EHMT1: variants seen among roughly 807,000 people sequenced by gnomAD.
EHMT1 encodes the protein euchromatic histone lysine methyltransferase 1, also known as histone-lysine N-methyltransferase EHMT1.
A neutral mutation model predicts 147.2 loss-of-function variants in EHMT1; 15 were observed. The observed-to-expected ratio is 0.10, with a 90% CI of 0.07 to 0.16. EHMT1 has a LOEUF of 0.16. Among genes scored for constraint, EHMT1 ranks in the 10% least tolerant of loss-of-function variants. EHMT1 has a pLI of 1.00. For synonymous variants in EHMT1, 795 were observed against 709.6 expected (o/e 1.12, Z -1.91); for missense variants, 1,587 against 1,772.4 (o/e 0.90, Z 1.88).
rs1955002974 is a variant in EHMT1, at chr9:137,817,371, T to C, written c.3375-68T>C. 5 of 1,590,092 alleles carry C rather than the reference T, an allele frequency of 3.1e-6. No individual in the cohort carries two copies. In the East Asian group the frequency reaches 1.1e-4, roughly 36 times the overall value. On this transcript the variant is annotated intron_variant, in intron 23 of 26. Coordinates refer to ENST00000460843, the MANE Select transcript of EHMT1 (RefSeq NM_024757.5). ...TTTCAGTGACGTGGCACCAGCTGGCTTTTGCTGACCATTGTGGCAACAGGC... is the reference window on the plus strand; with the variant it reads ...TTTCAGTGACGTGGCACCAGCTGGCCTTTGCTGACCATTGTGGCAACAGGC...
chr9:137,825,269 GGCT>G (rs758074020), intron 25 of EHMT1, among the ~76,000 whole-genome samples: 1 of 152,184 alleles, frequency 6.6e-6, no homozygotes, highest in Non-Finnish European at 1.5e-5. Context: ...AGACTCTTGG[GGCT>G]GCCTTAGAAT....
chr9:137,821,714 T>C (rs1322201229), intron 25 of EHMT1, among the ~76,000 whole-genome samples: 1 of 152,170 alleles, frequency 6.6e-6, no homozygotes, highest in Non-Finnish European at 1.5e-5. Context: ...GAAGCTCCTG[T>C]AGGGATTTGA....
At chr9:137,619,509 TC>T (rs2133383767) in intron 1 of EHMT1, among the ~76,000 whole-genome samples, 1 of 152,192 alleles carries the variant, frequency 6.6e-6, no homozygotes, top group African/African-American at 2.4e-5. Context: ...TCGGAGCTCT[TC>T]CTTCGCTTCG....
chr9:137,710,564 CTTGAT>C (rs1163886045), intron 1 of EHMT1, among the ~76,000 whole-genome samples: 3 of 102,932 alleles, frequency 2.9e-5, no homozygotes, highest in Non-Finnish European at 4.0e-5. Flanking sequence ...ATTGAATTTT[CTTGAT>C]TTATCTATTT....
intron 1 of EHMT1, among the ~76,000 whole-genome samples, chr9:137,695,854 A>G (rs952016127): frequency 1.3e-5 from 2 of 152,242 alleles, no homozygotes; most frequent in African/African-American, 4.8e-5. Context: ...GGAGTCTCAG[A>G]GTACTGCTGG....
rs760964825 is a variant in EHMT1 at position 137,716,775 on chromosome 9, G to T, written c.235G>T (p.Val79Phe). 9 of 1,613,172 alleles carry T rather than the reference G, an allele frequency of 5.6e-6. No homozygotes were observed. The South Asian group carries it at 9.9e-5, about 18-fold the overall frequency. ...AAKHTQDSAR[V>F]NPQDGTNTLT... ...AAAGCACACTCAGGACAGCGCAAGGGTCAACCCCCAGGATGGCACCAACAC... is the reference window on the plus strand; with the variant it reads ...AAAGCACACTCAGGACAGCGCAAGGTTCAACCCCCAGGATGGCACCAACAC... The change falls in exon 3 of 27, where the codon GTC becomes TTC. Residue 79 changes from valine (V) to phenylalanine (F), a missense_variant. By Grantham distance (50) the Val-to-Phe change is conservative. This residue lies in a region of EHMT1 where 810 missense variants were observed against 673.0 expected (regional missense o/e 1.20). Transcript: ENST00000460843.
At chr9:137,718,114 G>A (rs1213481061) in intron 3 of EHMT1, among the ~76,000 whole-genome samples, 4 of 149,428 alleles carry the variant, frequency 2.7e-5, no homozygotes, top group Non-Finnish European at 4.4e-5. Flanking sequence ...CACGCACCGT[G>A]ATGATTTTCA....
At chr9:137,761,814 A>G (rs1376387956) in intron 9 of EHMT1, among the ~76,000 whole-genome samples, 2 of 152,234 alleles carry the variant, frequency 1.3e-5, no homozygotes, top group Non-Finnish European at 2.9e-5. Flanking sequence ...ACAATGATTC[A>G]TCTTCTATTT....
intron 1 of EHMT1, among the ~76,000 whole-genome samples, chr9:137,674,647 T>C (rs560232174): frequency 1.3e-5 from 2 of 152,376 alleles, no homozygotes; most frequent in South Asian, 2.1e-4. Flanking sequence ...TCTTAGAGTA[T>C]ATTCTTCCAG....
intron 4 of EHMT1, among the ~76,000 whole-genome samples, chr9:137,740,765 G>T (rs910941514): frequency 6.6e-6 from 1 of 152,176 alleles, no homozygotes; most frequent in African/African-American, 2.4e-5. Context: ...TCACTTGTTT[G>T]CAGCAGACAG....
At chr9:137,736,662 G>T (rs1434542029) in intron 4 of EHMT1, among the ~76,000 whole-genome samples, 5 of 152,236 alleles carry the variant, frequency 3.3e-5, no homozygotes, top group Non-Finnish European at 7.3e-5. Flanking sequence ...AGGCTGACGT[G>T]GGTGGATCAC....
At chr9:137,779,558 C>T (rs767928683) in intron 13 of EHMT1, 77 bp from the exon 14 acceptor site, 19 of 1,501,102 alleles carry the variant, frequency 1.3e-5, no homozygotes, top group South Asian at 2.3e-5. Flanking sequence ...GGGAGATGTC[C>T]GCCGGGCCTT....
chr9:137,652,117 C>G (rs748842085), intron 1 of EHMT1, among the ~76,000 whole-genome samples: 2 of 152,190 alleles, frequency 1.3e-5, no homozygotes, highest in Non-Finnish European at 2.9e-5. Flanking sequence ...CTAGAAGACA[C>G]TGTTACCATA....
chr9:137,651,086 C>T (rs1449813404), intron 1 of EHMT1: 1 of 152,028 alleles, frequency 6.6e-6, no homozygotes, highest in Non-Finnish European at 1.5e-5. Flanking sequence ...AACAAAACCA[C>T]CAGTGTTGAC....
intron 10 of EHMT1, among the ~76,000 whole-genome samples, chr9:137,768,191 C>T (rs955581561): frequency 1.3e-5 from 2 of 152,132 alleles, no homozygotes; most frequent in African/African-American, 2.4e-5. Flanking sequence ...CGTGTTGTTA[C>T]GTGAGACATG....
chr9:137,691,506 A>C (rs1195890783), intron 1 of EHMT1, among the ~76,000 whole-genome samples: 2 of 151,850 alleles, frequency 1.3e-5, no homozygotes, highest in Admixed American at 1.3e-4. Flanking sequence ...AATGGACTAC[A>C]TTTTGTTTGT....
chr9:137,640,974 G>T (rs564292265), intron 1 of EHMT1: 7 of 164,942 alleles, frequency 4.2e-5, no homozygotes, highest in Non-Finnish European at 6.5e-5. Flanking sequence ...TTTAAAAAAG[G>T]AAGGTTCTAA....
intron 3 of EHMT1, among the ~76,000 whole-genome samples, chr9:137,717,707 C>G (rs564573968): frequency 6.6e-6 from 1 of 151,950 alleles, no homozygotes; most frequent in East Asian, 1.9e-4. Flanking sequence ...TGTGCTTTCT[C>G]TTCTCACAGG....
chr9:137,782,477 C>A lies in EHMT1; in HGVS notation c.2382+80C>A. ...CCAAAGTAAAATCATACCACGTTCG[C>A]GGTTCTTCCAGTGTAAGAGTTCCGT... On this transcript the variant is annotated intron_variant, in intron 15 of 26. Transcript: ENST00000460843. The surrounding 1 kb of genome is among the most constrained non-coding windows in gnomAD (Gnocchi z 5.7). 1 of 1,360,752 alleles carries A rather than the reference C, an allele frequency of 7.3e-7. No homozygotes were observed. The highest frequency in any genetic ancestry group is 1.0e-6 in the Non-Finnish European group (1 of 990,258). The allele number at this position is 1,360,752 out of a possible 1,614,324, so 84.3% of individuals were successfully genotyped here.
Sources: allele counts gnomAD v4.1 joint callset (sites outside exome capture counted in the v4.1 genomes callset), GRCh38; gene constraint gnomAD v4.1.1; regional missense constraint gnomAD v4.1.1; non-coding constraint Gnocchi (gnomAD v3.1); transcripts MANE v1.5; gene names NCBI Gene and HGNC (gene_info 2026-07-23, HGNC 2026-07-21).